The following UVRAG variants were observed in gnomAD, a reference collection of about 807,000 sequenced individuals.
The protein encoded by UVRAG is UV radiation resistance-associated gene protein.
A neutral mutation model predicts 78.0 loss-of-function variants in UVRAG; 19 were observed. The observed-to-expected ratio is 0.24, with a 90% confidence interval of 0.17 to 0.36. The LOEUF is 0.36. Ranked by LOEUF, UVRAG falls within the 10% of genes least tolerant of loss-of-function variation. UVRAG has a pLI of 1.00. For missense variants in UVRAG, 740 were observed against 853.8 expected (o/e 0.87, Z 1.66); for synonymous variants, 323 against 324.6 (o/e 1.00, Z 0.05).
At chr11:75,947,914 A>G (rs1948614351) in intron 6 of UVRAG, among the ~76,000 whole-genome samples, 1 of 152,222 alleles carries the variant, frequency 6.6e-6, no homozygotes, top group South Asian at 2.1e-4. Context: ...TCATTCACCA[A>G]CGAATTATTA....
Position 76,104,691 on chromosome 11 carries a change from C to G in UVRAG, c.1306-11233C>G, listed in dbSNP as rs533360834. Among the ~76,000 whole-genome samples the G allele has an allele frequency of 7.5e-4, 114 of 152,292 alleles. No homozygotes were observed. The South Asian group carries it at 0.012, about 16-fold the overall frequency. On this transcript the variant is annotated intron_variant, in intron 13 of 14. Transcript: ENST00000356136. ...CATTATCGTCACCACCACACATATA[C>G]ATGCACACAATTCAGTAATTATTTA...
intron 13 of UVRAG, among the ~76,000 whole-genome samples, chr11:76,073,896 T>C (rs565596315): frequency 6.6e-6 from 1 of 152,322 alleles, no homozygotes; most frequent in South Asian, 2.1e-4. Context: ...ATTTTCTTAC[T>C]AAACAACACA....
intron 12 of UVRAG, among the ~76,000 whole-genome samples, chr11:76,064,810 A>C (rs1796645939): frequency 6.6e-6 from 1 of 152,212 alleles, no homozygotes; most frequent in South Asian, 2.1e-4. Flanking sequence ...GTCACCTGCC[A>C]TTCATTTCAA....
At chr11:76,130,991 G>C (rs1230848159) in intron 14 of UVRAG, among the ~76,000 whole-genome samples, 1 of 150,832 alleles carries the variant, frequency 6.6e-6, no homozygotes, top group Non-Finnish European at 1.5e-5. Flanking sequence ...TTATTCCCAA[G>C]TATCAAGTGT....
chr11:75,972,273 T>C (rs1314159424), intron 7 of UVRAG, among the ~76,000 whole-genome samples: 1 of 152,192 alleles, frequency 6.6e-6, no homozygotes, highest in Non-Finnish European at 1.5e-5. Flanking sequence ...TTTGGTGTTA[T>C]GTCTAAAAAG....
chr11:76,106,756 G>A (rs1005242459), intron 13 of UVRAG, among the ~76,000 whole-genome samples: 3 of 152,164 alleles, frequency 2.0e-5, no homozygotes, highest in African/African-American at 7.2e-5. Context: ...GTCAATACAG[G>A]GTATTTTGGG....
At position 75,899,660 on chromosome 11, in the gene UVRAG, C is replaced by T. The variant is rs965232133; in HGVS notation, c.507+10757C>T. Among the ~76,000 whole-genome samples, 7 of 152,312 alleles carry T rather than the reference C, an allele frequency of 4.6e-5. 1 individual carries two copies. The highest frequency in any genetic ancestry group is 6.8e-3 in the Middle Eastern group (2 of 294). On this transcript the variant is annotated intron_variant, in intron 5 of 14. Coordinates refer to ENST00000356136, the MANE Select transcript of UVRAG (RefSeq NM_003369.4). The stretch of plus-strand genomic sequence containing the variant: ...CTTCCCACTTCATATAGTGTGACAG[C>T]GTACCAAGTCTCTGCCTTCACATTA...
chr11:75,815,348 G>C lies in UVRAG; in HGVS notation c.-60G>C. 3.2e-6 allele frequency: 3 copies of C among 941,564 alleles called. No homozygotes were observed. Among genetic ancestry groups the C allele is most frequent in the Non-Finnish European group, 4.2e-6 (3 of 718,258 alleles). The allele number at this position is 941,564 out of a possible 1,614,324, so 58.3% of individuals were successfully genotyped here. A position where few individuals can be genotyped will look rare whatever the true frequency, so the allele number is the denominator to read the frequency against. On this transcript the variant is annotated 5_prime_UTR_variant, in exon 1 of 15. Transcript: ENST00000356136. ...CAGGGGCTTGGTAGGTGGTGGCAAG[G>C]GGGCGGCGGCGGATGCCGGAAGAGT...
At chr11:75,994,779 A>G (rs1403357229) in intron 8 of UVRAG, among the ~76,000 whole-genome samples, 1 of 152,112 alleles carries the variant, frequency 6.6e-6, no homozygotes, top group Admixed American at 6.6e-5. Flanking sequence ...TGCTTTCTCT[A>G]GTATGTGTCC....
intron 12 of UVRAG, among the ~76,000 whole-genome samples, chr11:76,059,341 A>G (rs559740132): frequency 1.5e-4 from 23 of 152,326 alleles, no homozygotes; most frequent in Middle Eastern, 3.4e-3. Context: ...TTTCTGTTGT[A>G]ATTCAGTTTT....
chr11:75,921,694 T>A lies in UVRAG; in HGVS notation c.593+9655T>A, dbSNP rs569264490. ...ATTTAATACAAATTGCAATTTATTT[T>A]TTTTTTCTTTTAATCCACCCATCTG... On this transcript the variant is annotated intron_variant, in intron 6 of 14. Coordinates refer to ENST00000356136, the MANE Select transcript of UVRAG (RefSeq NM_003369.4). 1.1e-4 allele frequency among the ~76,000 whole-genome samples: 16 copies of A among 152,160 alleles called. No individual in the cohort carries two copies. The East Asian group carries it at 2.7e-3, about 26-fold the overall frequency.
intron 13 of UVRAG, among the ~76,000 whole-genome samples, chr11:76,106,350 TGAATTGGAAGCA>T (rs907951897): frequency 2.0e-5 from 3 of 152,030 alleles, no homozygotes; most frequent in Admixed American, 1.3e-4. Flanking sequence ...TCAAAGTCAA[TGAATTGGAAGCA>T]GAAATGCCTA....
At chr11:75,965,711 T>C (rs1949007820) in intron 7 of UVRAG, among the ~76,000 whole-genome samples, 1 of 152,232 alleles carries the variant, frequency 6.6e-6, no homozygotes. Flanking sequence ...TTTTAAATTT[T>C]TATTTCTCAT....
At chr11:76,084,903 G>GC (rs1487610497) in intron 13 of UVRAG, among the ~76,000 whole-genome samples, 2 of 151,260 alleles carry the variant, frequency 1.3e-5, no homozygotes, top group Non-Finnish European at 3.0e-5. Flanking sequence ...TACTAAAAAT[G>GC]CCCCCCAAAA....
chr11:76,015,361 A>T (rs1428077234), intron 11 of UVRAG, among the ~76,000 whole-genome samples: 1 of 152,094 alleles, frequency 6.6e-6, no homozygotes, highest in Non-Finnish European at 1.5e-5. Context: ...TGTTATATTA[A>T]TGTTTAACAA....
At chr11:76,099,473 A>G (rs535130558) in intron 13 of UVRAG, among the ~76,000 whole-genome samples, 63 of 152,294 alleles carry the variant, frequency 4.1e-4, no homozygotes, top group African/African-American at 1.2e-3. Flanking sequence ...CTAAAACAAG[A>G]CTAAACTTTG....
chr11:75,866,871 TTAAAC>T, intron 3 of UVRAG, among the ~76,000 whole-genome samples: 1 of 152,336 alleles, frequency 6.6e-6, no homozygotes, highest in Middle Eastern at 3.4e-3. Context: ...AACATTCTAA[TTAAAC>T]TGAACATAAG....
intron 13 of UVRAG, among the ~76,000 whole-genome samples, chr11:76,067,418 G>T (rs1407049085): frequency 2.0e-5 from 3 of 152,182 alleles, no homozygotes; most frequent in African/African-American, 7.2e-5. Flanking sequence ...TCACAGTTCT[G>T]TCATGCCATG....
At chr11:76,120,803 G>C (rs60994203) in intron 14 of UVRAG, among the ~76,000 whole-genome samples, 20 of 152,334 alleles carry the variant, frequency 1.3e-4, no homozygotes, top group Admixed American at 3.9e-4. Context: ...AGCACTTTGA[G>C]TCTCAGAGGA....
Sources: gnomAD v4.1 joint callset for allele counts (sites outside exome capture counted in the v4.1 genomes callset) on GRCh38, gnomAD v4.1.1 for gene constraint, MANE v1.5 for transcripts, NCBI Gene and HGNC (gene_info 2026-07-23, HGNC 2026-07-21) for gene names.